DAB1: variants seen among roughly 807,000 people sequenced by gnomAD.
DAB1 encodes the protein disabled homolog 1.
A neutral mutation model predicts 64.6 loss-of-function variants in DAB1; 15 were observed. The observed-to-expected ratio is 0.23, with a 90% CI of 0.16 to 0.36. DAB1 has a LOEUF of 0.36. DAB1 is among the 10% of genes least tolerant of loss of function. The pLI is 1.00. For synonymous variants in DAB1, 235 were observed against 251.9 expected, an observed-to-expected ratio of 0.93 and a Z score of 0.64; for missense variants, 596 against 706.7, an observed-to-expected ratio of 0.84 and a Z score of 1.78.
At chr1:57,232,417 A>G (rs931066980) in intron 2 of DAB1, among the ~76,000 whole-genome samples, 2 of 151,856 alleles carry the variant, frequency 1.3e-5, no homozygotes, top group African/African-American at 4.8e-5. Context: ...TTTATTCAAC[A>G]TATATTTACT....
chr1:57,815,066 TTTTG>T (rs1288501616), intron 6 of DAB1, among the ~76,000 whole-genome samples: 6 of 152,204 alleles, frequency 3.9e-5, no homozygotes, highest in South Asian at 2.1e-4. Context: ...TTTTTGTTTT[TTTTG>T]TTTGTTTGTT....
At chr1:57,896,606 G>A (rs973258019) in intron 5 of DAB1, among the ~76,000 whole-genome samples, 1 of 152,150 alleles carries the variant, frequency 6.6e-6, no homozygotes. Flanking sequence ...CCTCTTAGCT[G>A]TGTGATCCTG....
chr1:57,157,218 T>C (rs1660310421), intron 2 of DAB1, among the ~76,000 whole-genome samples: 1 of 152,186 alleles, frequency 6.6e-6, no homozygotes, highest in South Asian at 2.1e-4. Flanking sequence ...TTTTTTTTCC[T>C]AATGTGGTCA....
At chr1:57,683,012 C>A (rs140385567) in intron 6 of DAB1, among the ~76,000 whole-genome samples, 239 of 152,300 alleles carry the variant, frequency 1.6e-3, no homozygotes, top group African/African-American at 5.4e-3. Context: ...TCTTGGTGAT[C>A]TGGCAGTAGT....
intron 2 of DAB1, among the ~76,000 whole-genome samples, chr1:58,519,616 T>C (rs551757375): frequency 5.9e-5 from 9 of 152,232 alleles, no homozygotes; most frequent in African/African-American, 1.9e-4. Flanking sequence ...CAGAACTGTT[T>C]ATATGAAACA....
At chr1:58,524,236 A>C (rs926385505) in intron 2 of DAB1, among the ~76,000 whole-genome samples, 7 of 152,178 alleles carry the variant, frequency 4.6e-5, no homozygotes, top group Non-Finnish European at 8.8e-5. Context: ...CTGCATTAAA[A>C]ACCTGTTCCG....
At chr1:57,883,680 C>G (rs1644179679) in intron 1 of DAB1, among the ~76,000 whole-genome samples, 1 of 152,148 alleles carries the variant, frequency 6.6e-6, no homozygotes, top group Non-Finnish European at 1.5e-5. Flanking sequence ...TCTTTTTTCC[C>G]TTAAATTGGT....
At chr1:58,132,486 C>T (rs186438798) in intron 5 of DAB1, among the ~76,000 whole-genome samples, 66 of 152,228 alleles carry the variant, frequency 4.3e-4, no homozygotes, top group Middle Eastern at 3.4e-3. Context: ...CTCCTCCCCC[C>T]GGGGCCAATC....
At position 57,030,731 on chromosome 1, in the gene DAB1, A is replaced by C. The variant is rs1026386559; in HGVS notation, c.724-4688T>G. On this transcript the variant is annotated intron_variant, in intron 9 of 14. Coordinates refer to ENST00000371236, the MANE Select transcript of DAB1 (RefSeq NM_001365792.1). ...CTCTCCCAAATCTTGCTGGACTTGA[A>C]ATGTTCTTCTTTGGTAATCCTTCTT... 2.6e-5 allele frequency among the ~76,000 whole-genome samples: 4 copies of C among 152,338 alleles called. No homozygotes were observed. In the East Asian group the frequency reaches 5.8e-4, roughly 22 times the overall value.
intron 4 of DAB1, among the ~76,000 whole-genome samples, chr1:58,277,496 T>C (rs796078544): frequency 3.3e-5 from 5 of 152,282 alleles, no homozygotes; most frequent in African/African-American, 1.2e-4. Flanking sequence ...GGGAAACTTC[T>C]GTTGCCTCTG....
At chr1:58,330,310 C>T (rs907421864) in intron 4 of DAB1, among the ~76,000 whole-genome samples, 45 of 152,158 alleles carry the variant, frequency 3.0e-4, no homozygotes, top group African/African-American at 1.1e-3. Context: ...AAAGAAGTAA[C>T]GAAGCTGCAG....
intron 2 of DAB1, among the ~76,000 whole-genome samples, chr1:58,512,930 T>C (rs1406894031): frequency 6.6e-6 from 1 of 152,170 alleles, no homozygotes; most frequent in Non-Finnish European, 1.5e-5. Context: ...AAAGTAACGA[T>C]AGACCAAAAT....
At chr1:58,230,423 G>A (rs1181727590) in intron 4 of DAB1, among the ~76,000 whole-genome samples, 2 of 152,172 alleles carry the variant, frequency 1.3e-5, no homozygotes, top group African/African-American at 4.8e-5. Flanking sequence ...AGGAGCAGGA[G>A]GAGTATTTGT....
At chr1:58,154,061 A>G (rs904115269) in intron 4 of DAB1, among the ~76,000 whole-genome samples, 3 of 151,566 alleles carry the variant, frequency 2.0e-5, no homozygotes, top group African/African-American at 7.3e-5. Context: ...CGATTCCCTA[A>G]ACAACTTATT....
chr1:58,383,722 T>G (rs560697719), intron 3 of DAB1, among the ~76,000 whole-genome samples: 1 of 152,348 alleles, frequency 6.6e-6, no homozygotes, highest in African/African-American at 2.4e-5. Flanking sequence ...TTTCTAAGGC[T>G]TCCCTGACCC....
intron 1 of DAB1, among the ~76,000 whole-genome samples, chr1:57,361,286 T>C (rs1412934558): frequency 6.6e-6 from 1 of 152,154 alleles, no homozygotes; most frequent in African/African-American, 2.4e-5. Context: ...AGTCTATGTT[T>C]TAGAGCAGAA....
intron 3 of DAB1, among the ~76,000 whole-genome samples, chr1:58,409,767 A>G (rs1644649446): frequency 6.6e-6 from 1 of 152,160 alleles, no homozygotes; most frequent in South Asian, 2.1e-4. Context: ...TTTAAAGGGC[A>G]GAGATGGAGG....
intron 6 of DAB1, among the ~76,000 whole-genome samples, chr1:57,761,423 T>C (rs1014272956): frequency 2.6e-5 from 4 of 152,162 alleles, no homozygotes; most frequent in African/African-American, 9.7e-5. Context: ...AAAAAAATCA[T>C]GATTATGGGG....
At chr1:57,210,337 A>T (rs747757202) in intron 2 of DAB1, among the ~76,000 whole-genome samples, 12 of 152,188 alleles carry the variant, frequency 7.9e-5, no homozygotes, top group African/African-American at 1.9e-4. Flanking sequence ...TCATTTAAAA[A>T]TTTTCTGTCA....
Sources: allele counts gnomAD v4.1 joint callset (sites outside exome capture counted in the v4.1 genomes callset), GRCh38; gene constraint gnomAD v4.1.1; transcripts MANE v1.5; gene names NCBI Gene and HGNC (gene_info 2026-07-23, HGNC 2026-07-21).